The following VAT1L variants were observed in gnomAD, a reference collection of about 807,000 sequenced individuals.
VAT1L encodes the protein putative NADPH-dependent quinone oxidoreductase VAT1L.
Under a neutral mutation model 44.1 loss-of-function variants are expected in VAT1L, and 34 were observed. That is an observed-to-expected ratio of 0.77 (90% CI 0.59 to 1.03). VAT1L has a LOEUF of 1.03. VAT1L is among the 50% of genes least tolerant of loss of function. The pLI, the probability that VAT1L is intolerant of heterozygous loss-of-function variation, is 0.00. For missense variants in VAT1L, 615 were observed against 538.8 expected (o/e 1.14, Z -1.40); for synonymous variants, 253 against 202.2 (o/e 1.25, Z -2.13).
chr16:77,849,194 A>G (rs2016785180), intron 3 of VAT1L, among the ~76,000 whole-genome samples: 1 of 152,164 alleles, frequency 6.6e-6, no homozygotes, highest in South Asian at 2.1e-4. Context: ...TATAATAACA[A>G]AAAAAAGTAG....
Position 77,972,083 on chromosome 16 carries a change from G to C in VAT1L, c.1161+150G>C, listed in dbSNP as rs553811066. On this transcript the variant is annotated intron_variant, in intron 8 of 8. Coordinates refer to ENST00000302536, the MANE Select transcript of VAT1L (RefSeq NM_020927.3). Reference sequence around the variant, plus strand: ...GGTAATCAAATGATGTCATACATGAGGGATTCATGACAAACTGAGATGAAT... The same window carrying C: ...GGTAATCAAATGATGTCATACATGACGGATTCATGACAAACTGAGATGAAT... The C allele has an allele frequency of 3.7e-5, 25 of 678,112 alleles. 1 individual carries two copies. Among genetic ancestry groups the C allele is most frequent in the Middle Eastern group, 5.4e-4 (2 of 3,720 alleles). The allele number at this position is 678,112 out of a possible 1,614,324, so 42.0% of individuals were successfully genotyped here.
intron 2 of VAT1L, among the ~76,000 whole-genome samples, chr16:77,818,063 G>A (rs918502015): frequency 5.3e-5 from 8 of 152,076 alleles, no homozygotes; most frequent in Non-Finnish European, 7.3e-5. Context: ...ACTAGAACCC[G>A]GATTCAAATC....
At chr16:77,800,288 T>C (rs1248820177) in intron 1 of VAT1L, 2 of 152,156 alleles carry the variant, frequency 1.3e-5, no homozygotes, top group Non-Finnish European at 2.9e-5. Context: ...CTTCATCGAG[T>C]GCCGCAGACC....
chr16:77,791,414 A>T (rs2015832974), intron 1 of VAT1L, among the ~76,000 whole-genome samples: 1 of 152,180 alleles, frequency 6.6e-6, no homozygotes, highest in African/African-American at 2.4e-5. Context: ...AATGGAAGAG[A>T]TGAGGCAGGA....
chr16:77,906,604 A>G (rs985767082), intron 7 of VAT1L, among the ~76,000 whole-genome samples: 1 of 152,244 alleles, frequency 6.6e-6, no homozygotes, highest in Non-Finnish European at 1.5e-5. Context: ...TACTGCTGTG[A>G]GTGACTGGTG....
chr16:77,790,457 G>A (rs1316583614), intron 1 of VAT1L, among the ~76,000 whole-genome samples: 1 of 152,020 alleles, frequency 6.6e-6, no homozygotes, highest in Admixed American at 6.6e-5. Flanking sequence ...ATAAGTTATC[G>A]CTGAATGAAT....
rs2142519899 is a variant in VAT1L, at chr16:77,947,718, T to G, written c.1078-24132T>G. On this transcript the variant is annotated intron_variant, in intron 7 of 8. Transcript: ENST00000302536. ...CAGTCCTTTCAGAACTCTGTTCTCT[T>G]GCCTGAGTGTATGCAGTTTCTCTTC... 2.6e-5 allele frequency among the ~76,000 whole-genome samples: 4 copies of G among 152,350 alleles called. 2 individuals carry two copies. Among genetic ancestry groups the G allele is most frequent in the Admixed American group, 2.6e-4 (4 of 15,296 alleles).
intron 4 of VAT1L, among the ~76,000 whole-genome samples, chr16:77,866,888 G>A (rs959097586): frequency 6.6e-6 from 1 of 152,190 alleles, no homozygotes; most frequent in African/African-American, 2.4e-5. Flanking sequence ...AAAAGAGAAA[G>A]ATCAGAGAGA....
intron 7 of VAT1L, among the ~76,000 whole-genome samples, chr16:77,959,463 G>A (rs1233843965): frequency 6.6e-6 from 1 of 152,196 alleles, no homozygotes; most frequent in African/African-American, 2.4e-5. Context: ...ATATCTCACA[G>A]ATGACTTTGG....
chr16:77,801,894 G>T (rs893677975), intron 1 of VAT1L, among the ~76,000 whole-genome samples: 7 of 152,026 alleles, frequency 4.6e-5, no homozygotes, highest in Middle Eastern at 3.2e-3. Context: ...CCCTAAAATT[G>T]TTCCTACTGG....
intron 7 of VAT1L, among the ~76,000 whole-genome samples, chr16:77,971,325 T>C (rs573010471): frequency 3.3e-5 from 5 of 152,292 alleles, no homozygotes; most frequent in Admixed American, 3.3e-4. Context: ...AATATTATAG[T>C]GTTGAGGGGA....
At chr16:77,912,736 C>CA (rs2017512084) in intron 7 of VAT1L, among the ~76,000 whole-genome samples, 1 of 151,956 alleles carries the variant, frequency 6.6e-6, no homozygotes, top group Non-Finnish European at 1.5e-5. Flanking sequence ...GATGCTTGAA[C>CA]AAAAAAACAA....
intron 7 of VAT1L, among the ~76,000 whole-genome samples, chr16:77,948,697 A>G (rs1047820719): frequency 2.0e-5 from 3 of 152,046 alleles, no homozygotes; most frequent in Non-Finnish European, 4.4e-5. Context: ...TTTAAAGTAA[A>G]TCCCAGACAT....
chr16:77,938,133 A>T (rs1054290849), intron 7 of VAT1L, among the ~76,000 whole-genome samples: 3 of 152,162 alleles, frequency 2.0e-5, no homozygotes, highest in Non-Finnish European at 4.4e-5. Context: ...CTTTGGACCT[A>T]ATGAATCAGA....
At chr16:77,946,014 C>T (rs1206997395) in intron 7 of VAT1L, among the ~76,000 whole-genome samples, 13 of 151,968 alleles carry the variant, frequency 8.6e-5, no homozygotes, top group Non-Finnish European at 1.5e-5. Context: ...GTTGGTCAGG[C>T]TGGTCTCGAA....
intron 7 of VAT1L, among the ~76,000 whole-genome samples, chr16:77,935,298 A>C (rs761506547): frequency 2.1e-4 from 32 of 152,176 alleles, no homozygotes; most frequent in Non-Finnish European, 3.1e-4. Context: ...TGCAGTTAAG[A>C]AATGTCATTA....
intron 3 of VAT1L, among the ~76,000 whole-genome samples, chr16:77,842,963 T>G (rs2145261187): frequency 6.6e-6 from 1 of 152,340 alleles, no homozygotes; most frequent in South Asian, 2.1e-4. Context: ...TGCTCACAAC[T>G]CTGTGAGGTA....
intron 4 of VAT1L, among the ~76,000 whole-genome samples, chr16:77,865,472 A>G (rs1430462928): frequency 6.6e-6 from 1 of 152,176 alleles, no homozygotes; most frequent in East Asian, 1.9e-4. Flanking sequence ...GAGATCCAGC[A>G]ATGCCATCTT....
chr16:77,789,954 G>A (rs557815817), intron 1 of VAT1L, among the ~76,000 whole-genome samples: 220 of 152,300 alleles, frequency 1.4e-3, no homozygotes, highest in African/African-American at 5.2e-3. Flanking sequence ...AGGGGAACTT[G>A]CTATTAATCA....
Sources: allele counts gnomAD v4.1 joint callset (sites outside exome capture counted in the v4.1 genomes callset), GRCh38; gene constraint gnomAD v4.1.1; transcripts MANE v1.5; gene names NCBI Gene and HGNC (gene_info 2026-07-23, HGNC 2026-07-21).